The following QTMAN variants were observed in gnomAD, a reference collection of about 807,000 sequenced individuals.
The protein encoded by QTMAN is queuosine-tRNA mannosyltransferase.
the QTMAN span, among the ~76,000 whole-genome samples, chr2:144,201,106 C>T: frequency 2.0e-5 from 3 of 152,086 alleles, no homozygotes; most frequent in Admixed American, 2.0e-4. Flanking sequence ...AGAAAAAAAT[C>T]AAGCAAACAA....
At chr2:144,138,125 A>C in the QTMAN span, among the ~76,000 whole-genome samples, 1 of 152,054 alleles carries the variant, frequency 6.6e-6, no homozygotes, top group African/African-American at 2.4e-5. Flanking sequence ...CCAGCAAAGG[A>C]GCCTGAGAAG....
the QTMAN span, among the ~76,000 whole-genome samples, chr2:144,048,714 C>G: frequency 6.6e-6 from 1 of 152,064 alleles, no homozygotes. Context: ...AGGAGTGCCA[C>G]GGCCCTGAAC....
At chr2:144,152,658 G>C in the QTMAN span, among the ~76,000 whole-genome samples, 1 of 151,978 alleles carries the variant, frequency 6.6e-6, no homozygotes, top group Admixed American at 6.6e-5. Context: ...ATTCTTACAA[G>C]GTCCAAGGTA....
the QTMAN span, among the ~76,000 whole-genome samples, chr2:143,981,503 T>C: frequency 6.6e-6 from 1 of 152,186 alleles, no homozygotes; most frequent in Non-Finnish European, 1.5e-5. Context: ...GAATCTTAAT[T>C]TGAGAAGAAA....
chr2:144,217,459 AT>A, the QTMAN span, among the ~76,000 whole-genome samples: 1 of 152,014 alleles, frequency 6.6e-6, no homozygotes, highest in African/African-American at 2.4e-5. Flanking sequence ...AACACGGTAT[AT>A]GTTTTATATG....
At chr2:144,324,057 TTAG>T in the QTMAN span, among the ~76,000 whole-genome samples, 1 of 152,196 alleles carries the variant, frequency 6.6e-6, no homozygotes, top group Non-Finnish European at 1.5e-5. Flanking sequence ...TAAATCTTCA[TTAG>T]TAGTTTTACA....
the QTMAN span, among the ~76,000 whole-genome samples, chr2:143,999,673 TATG>T: frequency 1.3e-5 from 2 of 152,036 alleles, no homozygotes; most frequent in South Asian, 4.1e-4. Flanking sequence ...CACCCCTGAC[TATG>T]ATGTTAAGTG....
chr2:144,020,173 T>G, the QTMAN span, among the ~76,000 whole-genome samples: 1 of 150,734 alleles, frequency 6.6e-6, no homozygotes, highest in South Asian at 2.1e-4. Context: ...GGAAGGGAAG[T>G]GCTGGGTAGG....
the QTMAN span, among the ~76,000 whole-genome samples, chr2:144,156,400 TGAGA>T: frequency 6.6e-6 from 1 of 152,042 alleles, no homozygotes. Flanking sequence ...AAGAAATGTT[TGAGA>T]GAGAGTGAAA....
At chr2:144,276,798 C>T in the QTMAN span, among the ~76,000 whole-genome samples, 3 of 152,168 alleles carry the variant, frequency 2.0e-5, no homozygotes, top group African/African-American at 7.2e-5. Context: ...TACCTCCCAT[C>T]AAAACCATGC....
chr2:144,228,756 C>G, the QTMAN span, among the ~76,000 whole-genome samples: 1 of 151,996 alleles, frequency 6.6e-6, no homozygotes, highest in African/African-American at 2.4e-5. Context: ...GTCAGGAGTT[C>G]GAGATGAGCC....
chr2:144,154,044 G>A, the QTMAN span, among the ~76,000 whole-genome samples: 1 of 152,130 alleles, frequency 6.6e-6, no homozygotes. Flanking sequence ...CACTGATTTT[G>A]AATCATCTTA....
At chr2:144,252,034 T>G in the QTMAN span, among the ~76,000 whole-genome samples, 1 of 146,388 alleles carries the variant, frequency 6.8e-6, no homozygotes, top group Non-Finnish European at 1.5e-5. Context: ...TGCCTCTATG[T>G]TTTTTTTTTA....
chr2:144,029,908 G>C, the QTMAN span, among the ~76,000 whole-genome samples: 1 of 152,090 alleles, frequency 6.6e-6, no homozygotes, highest in Admixed American at 6.5e-5. Context: ...ACAGCATAGC[G>C]TGAGTGTGAG....
chr2:143,985,737 A>ATATAC, the QTMAN span, among the ~76,000 whole-genome samples: 20,392 of 152,058 alleles, frequency 0.13, 2,416 homozygotes, highest in African/African-American at 0.3. Context: ...AAATGCTCAC[A>ATATAC]TATAGAGAGC....
chr2:144,074,980 G>A, the QTMAN span, among the ~76,000 whole-genome samples: 8 of 152,222 alleles, frequency 5.3e-5, no homozygotes, highest in Non-Finnish European at 1.0e-4. Context: ...GTTGCAAAGA[G>A]TGAAAAGCTC....
the QTMAN span, among the ~76,000 whole-genome samples, chr2:144,239,312 A>AT: frequency 6.6e-6 from 1 of 152,242 alleles, no homozygotes; most frequent in African/African-American, 2.4e-5. Context: ...AAACAAGTGT[A>AT]TAACCTCTTA....
chr2:144,196,953 A>G, the QTMAN span, among the ~76,000 whole-genome samples: 1 of 152,058 alleles, frequency 6.6e-6, no homozygotes, highest in Non-Finnish European at 1.5e-5. Context: ...ATTTATATAT[A>G]CAGTCATACA....
chr2:144,199,591 T>C, the QTMAN span, among the ~76,000 whole-genome samples: 2 of 152,146 alleles, frequency 1.3e-5, no homozygotes, highest in Non-Finnish European at 2.9e-5. Context: ...ACTCTGAAGA[T>C]AGAAGCACTG....
Sources: allele counts gnomAD v4.1 joint callset (sites outside exome capture counted in the v4.1 genomes callset), GRCh38; gene constraint gnomAD v4.1.1; transcripts MANE v1.5; gene names NCBI Gene and HGNC (gene_info 2026-07-23, HGNC 2026-07-21).